Variants in UNC5A observed in about 807,000 individuals in gnomAD.
UNC5A encodes the protein netrin receptor UNC5A.
A neutral mutation model predicts 87.4 loss-of-function variants in UNC5A; 20 were observed. The ratio of observed to expected loss-of-function variants is 0.23; its 90% confidence interval spans 0.16 to 0.33. UNC5A has a LOEUF of 0.33. UNC5A is among the 10% of genes least tolerant of loss of function. The pLI is 1.00. For missense variants in UNC5A, 844 were observed against 1,133.4 expected (o/e 0.74, Z 3.67); for synonymous variants, 438 against 482.3 (o/e 0.91, Z 1.20).
At chr5:176,859,133 G>GATGT (rs1561659374) in intron 1 of UNC5A, among the ~76,000 whole-genome samples, 15 of 119,250 alleles carry the variant, frequency 1.3e-4, no homozygotes, top group African/African-American at 4.5e-4. Context: ...CTGCTAGAAT[G>GATGT]CCCTTGCTAG....
intron 1 of UNC5A, among the ~76,000 whole-genome samples, chr5:176,845,073 CAG>C (rs1757370832): frequency 6.6e-6 from 1 of 152,328 alleles, no homozygotes; most frequent in Admixed American, 6.5e-5. Context: ...CAGGAAATGA[CAG>C]AGGCATCTTC....
intron 1 of UNC5A, among the ~76,000 whole-genome samples, chr5:176,858,782 A>AGGAAGGAAGGAAG (rs1561659079): frequency 1.5e-5 from 2 of 131,744 alleles, no homozygotes; most frequent in African/African-American, 5.9e-5. Context: ...AAGGCAAGCA[A>AGGAAGGAAGGAAG]GCAGGCAGGG....
At chr5:176,873,910 C>T in intron 6 of UNC5A, 58 bp from the exon 7 acceptor site, 1 of 1,564,656 alleles carries the variant, frequency 6.4e-7, no homozygotes, top group Non-Finnish European at 8.7e-7. Context: ...GACCACTGAC[C>T]TCTCCTTCCC....
At chr5:176,851,871 G>A (rs932028542) in intron 1 of UNC5A, among the ~76,000 whole-genome samples, 4 of 152,216 alleles carry the variant, frequency 2.6e-5, no homozygotes, top group African/African-American at 9.6e-5. Context: ...TGGAAATGGG[G>A]AGGGTGCCCC....
chr5:176,857,448 C>G (rs1280384482), intron 1 of UNC5A, among the ~76,000 whole-genome samples: 2 of 152,126 alleles, frequency 1.3e-5, no homozygotes, highest in Non-Finnish European at 2.9e-5. Context: ...ATCTGCTTCC[C>G]CTCCTTTCTG....
At chr5:176,861,933 G>A (rs893507339) in intron 1 of UNC5A, among the ~76,000 whole-genome samples, 5 of 152,228 alleles carry the variant, frequency 3.3e-5, no homozygotes, top group Admixed American at 6.5e-5. Context: ...GACTACTCTG[G>A]GGGTTTTACC....
Position 176,843,242 on chromosome 5 carries a change from G to A in UNC5A, c.71-19382G>A, listed in dbSNP as rs115819677. Among the ~76,000 whole-genome samples the A allele has an allele frequency of 8.1e-3, 1,229 of 152,256 alleles. 17 individuals are homozygous for A. Among genetic ancestry groups the A allele is most frequent in the African/African-American group, 0.029 (1,186 of 41,558 alleles). On this transcript the variant is annotated intron_variant, in intron 1 of 14. Coordinates refer to ENST00000329542, the MANE Select transcript of UNC5A (RefSeq NM_133369.3). ...AATGTGGAAACAGCCCAGGTGAGGG[G>A]ACAGATGCTGTGGTGCGTCCACACG...
chr5:176,814,957 G>A (rs190283609), intron 1 of UNC5A, among the ~76,000 whole-genome samples: 3 of 152,270 alleles, frequency 2.0e-5, no homozygotes, highest in African/African-American at 7.2e-5. Flanking sequence ...AGCTGGAAAC[G>A]GCCTCCTGTC....
At chr5:176,847,499 T>C (rs1757440848) in intron 1 of UNC5A, among the ~76,000 whole-genome samples, 1 of 152,078 alleles carries the variant, frequency 6.6e-6, no homozygotes, top group African/African-American at 2.4e-5. Context: ...AAGTTCGTTT[T>C]AAGGGGAACA....
At chr5:176,819,153 C>T (rs548760726) in intron 1 of UNC5A, among the ~76,000 whole-genome samples, 1 of 152,334 alleles carries the variant, frequency 6.6e-6, no homozygotes, top group Middle Eastern at 3.4e-3. Context: ...CCAGCCCTCC[C>T]CAGCCCTCTC....
In UNC5A at chr5:176,841,194, C is replaced by CA. The variant is rs1212339042; in HGVS notation, c.71-21429dup. Among the ~76,000 whole-genome samples, 1 of 152,208 alleles carries CA rather than the reference C, an allele frequency of 6.6e-6. No individual in the cohort carries two copies. Among genetic ancestry groups the CA allele is most frequent in the Admixed American group, 6.5e-5 (1 of 15,278 alleles). On this transcript the variant is annotated intron_variant, in intron 1 of 14. Coordinates refer to ENST00000329542, the MANE Select transcript of UNC5A (RefSeq NM_133369.3). This position sits in a 1 kb window ranked among gnomAD's most constrained non-coding sequence, Gnocchi z 4.1. ...CACGAGCTAAAGTTGCAGGGGGCAC[C>CA]AGATGTCTGTTCTAATTTATTTCCT...
At chr5:176,839,586 G>A (rs1430955797) in intron 1 of UNC5A, among the ~76,000 whole-genome samples, 1 of 152,168 alleles carries the variant, frequency 6.6e-6, no homozygotes. Context: ...TCCTAGTAAA[G>A]GGTTGGACTT....
At chr5:176,829,284 GATAAAGTGGGTGGATGGGTGGATGGATGA>G (rs1756935666) in intron 1 of UNC5A, among the ~76,000 whole-genome samples, 1 of 112,674 alleles carries the variant, frequency 8.9e-6, no homozygotes, top group Non-Finnish European at 2.0e-5. Context: ...TGGATGGATG[GATAAAGTGGGTGGATGGGTGGATGGATGA>G]ATGGATGTAT....
intron 1 of UNC5A, among the ~76,000 whole-genome samples, chr5:176,821,137 C>A (rs1273331969): frequency 2.6e-5 from 4 of 152,208 alleles, no homozygotes; most frequent in African/African-American, 7.2e-5. Flanking sequence ...GCTCCTTCCT[C>A]CAAGCCCCGC....
intron 1 of UNC5A, among the ~76,000 whole-genome samples, chr5:176,825,033 T>G (rs532879009): frequency 7.9e-5 from 12 of 152,214 alleles, no homozygotes; most frequent in Non-Finnish European, 1.8e-4. Context: ...TCTTGGAGTC[T>G]GCATTTGGGG....
In UNC5A at chr5:176,878,058, G is replaced by A. The variant is rs201643974; in HGVS notation, c.1800G>A (p.Pro600=). 4.3e-4 allele frequency: 697 copies of A among 1,609,712 alleles called. 6 individuals are homozygous for A. The South Asian group carries it at 7.1e-3, about 16-fold the overall frequency. Residue 600 remains proline, a synonymous_variant, in exon 11 of 15, where the codon CCG becomes CCA. Transcript: ENST00000329542. ...GCCTCAAGCTGCTTCTGTTTGCGCC[G>A]GTGGCCTGCACCTCCCTCGAGTACA... The part of the protein sequence containing the change: ...AKRLKLLLFA[P]VACTSLEYNI...
chr5:176,879,187 A>G, intron 13 of UNC5A, 123 bp from the exon 14 acceptor site: 1 of 1,197,080 alleles, frequency 8.4e-7, no homozygotes, highest in Non-Finnish European at 1.2e-6. Context: ...GTGCCCAGGA[A>G]GTACCAGTGC....
chr5:176,835,729 ATG>A (rs55990257), intron 1 of UNC5A, among the ~76,000 whole-genome samples: 11,471 of 145,332 alleles, frequency 0.079, 785 homozygotes, highest in African/African-American at 0.19. Flanking sequence ...TTGATAAAGG[ATG>A]TGTGTGTGTG....
chr5:176,874,030 G>T lies in UNC5A; in HGVS notation c.949G>T (p.Val317Phe). Residue 317 changes from valine (V) to phenylalanine (F), a missense_variant, in exon 7 of 15, where the codon GTC becomes TTC. By Grantham distance (50) the Val-to-Phe change is conservative (BLOSUM62 -1). Transcript: ENST00000329542. The surrounding 1 kb of genome is among the most constrained non-coding windows in gnomAD (Gnocchi z 7.6). ...CCTCATCGCCGTGGCCGTCTGCCTG[G>T]TCCTGCTGCTGCTTGTCCTCATCCT... ...VGLIAVAVCL[V>F]LLLLVLILVY... 2 of 1,614,030 alleles carry T rather than the reference G, an allele frequency of 1.2e-6. No individual in the cohort carries two copies.
Sources: allele counts gnomAD v4.1 joint callset (sites outside exome capture counted in the v4.1 genomes callset), GRCh38; gene constraint gnomAD v4.1.1; non-coding constraint Gnocchi (gnomAD v3.1); transcripts MANE v1.5; gene names NCBI Gene and HGNC (gene_info 2026-07-23, HGNC 2026-07-21).